Variants in NETO1 observed in about 807,000 individuals in gnomAD.
NETO1 encodes the protein neuropilin and tolloid-like protein 1.
In NETO1, 26 loss-of-function variants were observed where a neutral mutation model predicts 61.3. The ratio of observed to expected loss-of-function variants is 0.42; its 90% CI spans 0.31 to 0.59. The LOEUF is 0.59. Among genes scored for constraint, NETO1 ranks in the 20% least tolerant of loss-of-function variants. NETO1 has a pLI of 0.12. For synonymous variants in NETO1, 225 were observed against 225.8 expected (o/e 1.00, Z 0.03); for missense variants, 531 against 662.8 (o/e 0.80, Z 2.18).
At chr18:72,826,352 A>T (rs1416159423) in intron 4 of NETO1, among the ~76,000 whole-genome samples, 2 of 151,926 alleles carry the variant, frequency 1.3e-5, no homozygotes, top group Non-Finnish European at 2.9e-5. Flanking sequence ...AAAAGTTTCA[A>T]CCCTCCTACA....
rs545574292 is a variant in NETO1 at position 72,792,374 on chromosome 18, G to A, written c.639+1743C>T. On this transcript the variant is annotated intron_variant, in intron 6 of 10. Transcript: ENST00000327305. ...GTGGAGGTTGCAGTGAGCCGAGATC[G>A]CACCACTGCACTCCAGCCTGGGAGA... is the stretch of plus-strand genomic sequence containing the variant. Among the ~76,000 whole-genome samples, 28 of 152,104 alleles carry A rather than the reference G, an allele frequency of 1.8e-4. No individual in the cohort carries two copies. In the South Asian group the frequency reaches 2.7e-3, roughly 15 times the overall value.
At chr18:72,855,286 A>G (rs941241906) in intron 4 of NETO1, among the ~76,000 whole-genome samples, 3 of 152,138 alleles carry the variant, frequency 2.0e-5, no homozygotes, top group Non-Finnish European at 4.4e-5. Flanking sequence ...CCCTTCTACA[A>G]GCCTCACTCT....
intron 4 of NETO1, among the ~76,000 whole-genome samples, chr18:72,803,970 T>C (rs1192991580): frequency 6.6e-6 from 1 of 152,138 alleles, no homozygotes; most frequent in Non-Finnish European, 1.5e-5. Flanking sequence ...ATAATAAACC[T>C]GACACTCGAT....
rs1297464511 is a variant in NETO1, at chr18:72,830,811, A to T, written c.469+28015T>A. ...CCATCACAAGATTCCTTTCACAGAA[A>T]AGGTTTCCGAAAGATTATGCTACAC... On this transcript the variant is annotated intron_variant, in intron 4 of 10. Coordinates refer to ENST00000327305, the MANE Select transcript of NETO1 (RefSeq NM_138966.5). This position sits in a 1 kb window ranked among gnomAD's most constrained non-coding sequence, Gnocchi z 4.9. Among the ~76,000 whole-genome samples, 1 of 152,132 alleles carries T rather than the reference A, an allele frequency of 6.6e-6. No individual in the cohort carries two copies. Among genetic ancestry groups the T allele is most frequent in the East Asian group, 1.9e-4 (1 of 5,180 alleles).
chr18:72,818,599 T>G (rs2073097105), intron 4 of NETO1, among the ~76,000 whole-genome samples: 1 of 152,240 alleles, frequency 6.6e-6, no homozygotes, highest in Non-Finnish European at 1.5e-5. Context: ...TAAGATTTTA[T>G]GCAACCTTAT....
At chr18:72,831,914 G>T (rs1174159819) in intron 4 of NETO1, among the ~76,000 whole-genome samples, 1 of 152,112 alleles carries the variant, frequency 6.6e-6, no homozygotes, top group Non-Finnish European at 1.5e-5. Flanking sequence ...TCTTCTAAGT[G>T]CTTCAATATA....
At chr18:72,823,235 A>G (rs1044052776) in intron 4 of NETO1, among the ~76,000 whole-genome samples, 2 of 152,212 alleles carry the variant, frequency 1.3e-5, no homozygotes, top group Non-Finnish European at 2.9e-5. Context: ...TCATGGCATT[A>G]ATAGTCTGGT....
chr18:72,850,967 C>A (rs544173215), intron 4 of NETO1, among the ~76,000 whole-genome samples: 1 of 152,264 alleles, frequency 6.6e-6, no homozygotes, highest in Admixed American at 6.5e-5. Flanking sequence ...GTGCATGGAA[C>A]GAGCTCATTT....
intron 4 of NETO1, among the ~76,000 whole-genome samples, chr18:72,823,015 C>G (rs2073250786): frequency 1.3e-5 from 2 of 152,136 alleles, no homozygotes; most frequent in African/African-American, 4.8e-5. Flanking sequence ...TTCCTTCAAG[C>G]ATCTCTGTAT....
chr18:72,789,434 C>T (rs1195334062), intron 6 of NETO1, among the ~76,000 whole-genome samples: 1 of 152,036 alleles, frequency 6.6e-6, no homozygotes, highest in Non-Finnish European at 1.5e-5. Flanking sequence ...ATTTTTACTT[C>T]GTTTATCAAA....
rs893606664 is a variant in NETO1, at chr18:72,795,556, T to G, written c.470-1152A>C. Among the ~76,000 whole-genome samples, 20 of 152,224 alleles carry G rather than the reference T, an allele frequency of 1.3e-4. 1 individual carries two copies. The highest frequency in any genetic ancestry group is 5.9e-5 in the Non-Finnish European group (4 of 68,040). On this transcript the variant is annotated intron_variant, in intron 4 of 10. Coordinates refer to ENST00000327305, the MANE Select transcript of NETO1 (RefSeq NM_138966.5). ...TATTTATGGAGTAACTTATTCTCCATAAGTTACATTCTTGGAGTTGCATTT... is the reference window on the plus strand; with the variant it reads ...TATTTATGGAGTAACTTATTCTCCAGAAGTTACATTCTTGGAGTTGCATTT...
At chr18:72,853,466 G>C (rs928265092) in intron 4 of NETO1, 1 of 152,156 alleles carries the variant, frequency 6.6e-6, no homozygotes, top group Non-Finnish European at 1.5e-5. Context: ...AAAAATCGAA[G>C]TCCTTCTTTT....
intron 7 of NETO1, among the ~76,000 whole-genome samples, chr18:72,764,070 C>G (rs940832263): frequency 6.6e-6 from 1 of 152,060 alleles, no homozygotes; most frequent in Non-Finnish European, 1.5e-5. Flanking sequence ...CTCTATGATT[C>G]AATTATTTCC....
At chr18:72,779,531 T>C (rs75791618) in intron 7 of NETO1, among the ~76,000 whole-genome samples, 2,020 of 152,160 alleles carry the variant, frequency 0.013, 52 homozygotes, top group African/African-American at 0.046. Flanking sequence ...TAAGTACCCT[T>C]AGAATGATTC....
Position 72,848,876 on chromosome 18 carries a change from A to G in NETO1, c.469+9950T>C, listed in dbSNP as rs372029147. 1.2e-3 allele frequency among the ~76,000 whole-genome samples: 179 copies of G among 152,336 alleles called. 8 individuals are homozygous for G. The South Asian group carries it at 0.036, about 31-fold the overall frequency. ...CCTTTAGTTCAAGATGGCAACCTTT[A>G]TGCTGATGGAACATTCTCAAGAACC... On this transcript the variant is annotated intron_variant, in intron 4 of 10. Coordinates refer to ENST00000327305, the MANE Select transcript of NETO1 (RefSeq NM_138966.5).
intron 4 of NETO1, among the ~76,000 whole-genome samples, chr18:72,820,965 T>C (rs1016274874): frequency 6.6e-6 from 1 of 152,056 alleles, no homozygotes; most frequent in African/African-American, 2.4e-5. Context: ...GATAGATAGA[T>C]AGACTTATAG....
intron 4 of NETO1, among the ~76,000 whole-genome samples, chr18:72,829,492 T>A (rs2073502832): frequency 6.6e-6 from 1 of 152,166 alleles, no homozygotes; most frequent in Admixed American, 6.5e-5. Context: ...AGTTTTACAA[T>A]CTTAACAACT....
Position 72,750,590 on chromosome 18 carries a change from A to G in NETO1, c.1013T>C (p.Leu338Pro). 6.2e-7 allele frequency: 1 copy of G among 1,609,080 alleles called. No homozygotes were observed. Among genetic ancestry groups the G allele is most frequent in the Non-Finnish European group, 8.5e-7 (1 of 1,179,166 alleles). The stretch of plus-strand genomic sequence containing the variant: ...AATGACAGTCCCACTGGTGTTGGTC[A>G]GCTGGTCCAGCAGGCTGGTTTTCCT... ...EKRKTSLLDQ[L>P]TNTSGTVIGV... is the part of the protein sequence containing the mutation. Residue 338 changes from leucine (L) to proline (P), a missense_variant, in exon 9 of 11, where the codon CTG (leucine) becomes CCG (proline). Coordinates refer to ENST00000327305, the MANE Select transcript of NETO1 (RefSeq NM_138966.5).
chr18:72,828,511 T>A (rs1168511581), intron 4 of NETO1, among the ~76,000 whole-genome samples: 2 of 152,188 alleles, frequency 1.3e-5, no homozygotes, highest in African/African-American at 4.8e-5. Context: ...AACAAAGATA[T>A]TCAAAGTGAA....
Sources: gnomAD v4.1 joint callset for allele counts (sites outside exome capture counted in the v4.1 genomes callset) on GRCh38, gnomAD v4.1.1 for gene constraint, Gnocchi (gnomAD v3.1) non-coding constraint, MANE v1.5 for transcripts, NCBI Gene and HGNC (gene_info 2026-07-23, HGNC 2026-07-21) for gene names.